DIP2B: variants seen among roughly 807,000 people sequenced by gnomAD.
The protein encoded by DIP2B is DIP2 acetate--CoA ligase B (putative).
In DIP2B, 76 loss-of-function variants were observed where a neutral mutation model predicts 198.0. That is an observed-to-expected ratio of 0.38 (90% CI 0.32 to 0.46). DIP2B has a LOEUF of 0.46. Among genes scored for constraint, DIP2B ranks in the 20% least tolerant of loss-of-function variants. The probability of loss-of-function intolerance (pLI) is 0.99; values close to 1 mark genes in which losing one functional copy is unlikely to be tolerated. For synonymous variants in DIP2B, 701 were observed against 739.1 expected (o/e 0.95, Z 0.84); for missense variants, 1,559 against 1,978.4 (o/e 0.79, Z 4.02).
intron 1 of DIP2B, among the ~76,000 whole-genome samples, chr12:50,560,314 G>T (rs1958507972): frequency 6.6e-6 from 1 of 151,780 alleles, no homozygotes; most frequent in African/African-American, 2.4e-5. Flanking sequence ...AAAATGGCGT[G>T]AACCTGGGAG....
intron 4 of DIP2B, among the ~76,000 whole-genome samples, chr12:50,669,007 C>T (rs1197034754): frequency 6.6e-6 from 1 of 152,076 alleles, no homozygotes; most frequent in Non-Finnish European, 1.5e-5. Flanking sequence ...CACTTTATCT[C>T]TTTGGGATCT....
chr12:50,690,294 G>A (rs1939202119), intron 12 of DIP2B, among the ~76,000 whole-genome samples: 1 of 152,114 alleles, frequency 6.6e-6, no homozygotes, highest in African/African-American at 2.4e-5. Flanking sequence ...CACCACATTA[G>A]CCAGGGTGGT....
intron 14 of DIP2B, among the ~76,000 whole-genome samples, chr12:50,693,261 C>T (rs544958429): frequency 1.3e-5 from 2 of 152,192 alleles, no homozygotes; most frequent in African/African-American, 4.8e-5. Flanking sequence ...CAGAGAGGAA[C>T]AGGTAGCATA....
rs138163914 is a variant in DIP2B, at chr12:50,743,510, A to G, written c.4479-1077A>G. ...ATAGGAGACACTTGCGTGGGGCACT[A>G]ATAACTCATGTGAGTCAGACAGACA... is the stretch of plus-strand genomic sequence containing the variant. On this transcript the variant is annotated intron_variant, in intron 37 of 37. Transcript: ENST00000301180. The G allele has an allele frequency of 6.8e-3, 1,040 of 152,308 alleles. 40 individuals are homozygous for G. Among genetic ancestry groups the G allele is most frequent in the Admixed American group, 0.049 (749 of 15,298 alleles). The allele number at this position is 152,308 out of a possible 1,614,324, so 9.4% of individuals were successfully genotyped here.
chr12:50,538,761 CA>C (rs535341101), intron 1 of DIP2B, among the ~76,000 whole-genome samples: 47 of 152,156 alleles, frequency 3.1e-4, no homozygotes, highest in South Asian at 4.1e-4. Context: ...ACAGTTTTTG[CA>C]ATATTATTAA....
intron 1 of DIP2B, among the ~76,000 whole-genome samples, chr12:50,544,926 TC>T (rs1235775858): frequency 6.6e-6 from 1 of 152,096 alleles, no homozygotes; most frequent in Non-Finnish European, 1.5e-5. Context: ...TGAATAACTT[TC>T]TTAAAAGCTG....
At chr12:50,681,298 T>C (rs1309923280) in intron 9 of DIP2B, among the ~76,000 whole-genome samples, 4 of 151,810 alleles carry the variant, frequency 2.6e-5, no homozygotes, top group Admixed American at 2.6e-4. Context: ...TAGCTGGGTG[T>C]GGTGGCATGC....
intron 1 of DIP2B, among the ~76,000 whole-genome samples, chr12:50,579,698 T>G (rs1244739473): frequency 1.5e-5 from 1 of 65,474 alleles, no homozygotes; most frequent in Non-Finnish European, 2.9e-5. Context: ...TATATATATA[T>G]ATATATATAT....
intron 30 of DIP2B, among the ~76,000 whole-genome samples, chr12:50,730,315 T>C (rs1189489665): frequency 6.6e-6 from 1 of 152,164 alleles, no homozygotes; most frequent in African/African-American, 2.4e-5. Context: ...TTCAGTTGAA[T>C]ACTCTTTCTT....
chr12:50,594,990 A>C (rs78603531), intron 1 of DIP2B, among the ~76,000 whole-genome samples: 268 of 152,332 alleles, frequency 1.8e-3, no homozygotes, highest in African/African-American at 6.3e-3. Context: ...ACTGTAATGT[A>C]GTACTATGTG....
rs1939979303 is a variant in DIP2B at position 50,728,554 on chromosome 12, C to T, written c.3517C>T (p.His1173Tyr). Reference protein sequence around the residue: ...TGMLTGVKMSHSAVNALCRAI... With the variant: ...TGMLTGVKMSYSAVNALCRAI... The stretch of plus-strand genomic sequence containing the variant: ...CATTTTCCATACTTTCCAGATGTCC[C>T]ACTCTGCAGTGAACGCTCTGTGTCG... The change falls in exon 30 of 38, where the codon CAC becomes TAC. Residue 1173 changes from histidine (H) to tyrosine (Y), a missense_variant. His to Tyr is a moderately conservative substitution (Grantham distance 83). Transcript: ENST00000301180. The T allele has an allele frequency of 6.2e-7, 1 of 1,613,234 alleles. No homozygotes were observed. Among genetic ancestry groups the T allele is most frequent in the South Asian group, 1.1e-5 (1 of 90,896 alleles).
At position 50,505,101 on chromosome 12, in the gene DIP2B, C is replaced by A; in HGVS notation, c.-40C>A. 1 of 1,515,576 alleles carries A rather than the reference C, an allele frequency of 6.6e-7. No individual in the cohort carries two copies. Among genetic ancestry groups the A allele is most frequent in the Non-Finnish European group, 8.8e-7 (1 of 1,131,508 alleles). 93.9% of individuals were successfully genotyped at this position (1,515,576 alleles called of 1,614,324 possible). ...CGTGTCTGTCCGTCCCTCCTTCGGCCCCCTCTCTTGTCTTCCGGAGTGTGG... is the reference window on the plus strand; with the variant it reads ...CGTGTCTGTCCGTCCCTCCTTCGGCACCCTCTCTTGTCTTCCGGAGTGTGG... On this transcript the variant is annotated 5_prime_UTR_variant, in exon 1 of 38. Coordinates refer to ENST00000301180, the MANE Select transcript of DIP2B (RefSeq NM_173602.3).
intron 1 of DIP2B, among the ~76,000 whole-genome samples, chr12:50,542,873 C>T (rs537945119): frequency 6.6e-6 from 1 of 152,018 alleles, no homozygotes; most frequent in East Asian, 1.9e-4. Flanking sequence ...TTTTCTTTTT[C>T]TTTTTTATTT....
chr12:50,578,943 T>C (rs765685170), intron 1 of DIP2B, among the ~76,000 whole-genome samples: 19 of 152,192 alleles, frequency 1.2e-4, no homozygotes, highest in Non-Finnish European at 2.1e-4. Context: ...ATACTAATGG[T>C]ACAAAAGCAA....
chr12:50,701,171 AAAATCTGCATTAT>A (rs1234496532), intron 19 of DIP2B, among the ~76,000 whole-genome samples: 1 of 152,264 alleles, frequency 6.6e-6, no homozygotes, highest in Non-Finnish European at 1.5e-5. Flanking sequence ...AAGAAAATTT[AAAATCTGCATTAT>A]AAATTTAGTG....
chr12:50,731,253 A>C, intron 30 of DIP2B, 116 bp from the exon 31 acceptor site: 1 of 1,237,476 alleles, frequency 8.1e-7, no homozygotes, highest in Non-Finnish European at 1.1e-6. Context: ...TTTATATCTC[A>C]TATGTCCCTA....
chr12:50,655,267 A>G (rs897454572), intron 3 of DIP2B, among the ~76,000 whole-genome samples: 1 of 152,206 alleles, frequency 6.6e-6, no homozygotes, highest in Non-Finnish European at 1.5e-5. Context: ...AAAATACAAT[A>G]TGCTTACTTT....
At chr12:50,692,251 A>G (rs993331822) in intron 13 of DIP2B, among the ~76,000 whole-genome samples, 5 of 152,186 alleles carry the variant, frequency 3.3e-5, no homozygotes, top group African/African-American at 9.6e-5. Context: ...GCCTAGAAGT[A>G]TATGTGTGTG....
intron 4 of DIP2B, among the ~76,000 whole-genome samples, chr12:50,662,832 G>GGGGTA (rs1565862821): frequency 6.6e-6 from 1 of 152,088 alleles, no homozygotes; most frequent in Non-Finnish European, 1.5e-5. Flanking sequence ...GACCTAAAGC[G>GGGGTA]GGGTACGGTG....
Sources: gnomAD v4.1 joint callset for allele counts (sites outside exome capture counted in the v4.1 genomes callset) on GRCh38, gnomAD v4.1.1 for gene constraint, MANE v1.5 for transcripts, NCBI Gene and HGNC (gene_info 2026-07-23, HGNC 2026-07-21) for gene names.